Variants in DIPK2B observed in about 807,000 individuals in gnomAD.
DIPK2B encodes UPF0672 protein CXorf36.
DIPK2B carries 15 observed loss-of-function variants against 22.2 expected under a neutral mutation model. The ratio of observed to expected loss-of-function variants is 0.68; its 90% CI spans 0.45 to 1.04. The LOEUF is 1.04. Among genes scored for constraint, DIPK2B ranks in the 50% least tolerant of loss-of-function variants. DIPK2B has a pLI of 0.00. For missense variants in DIPK2B, 345 were observed against 348.3 expected (o/e 0.99, Z 0.08); for synonymous variants, 163 against 153.2 (o/e 1.06, Z -0.47).
At chrX:45,198,873 T>C (rs2047253577) in intron 1 of DIPK2B, among the ~76,000 whole-genome samples, 1 of 111,759 alleles carries the variant, frequency 8.9e-6, no homozygotes, top group Admixed American at 9.5e-5. Flanking sequence ...AGGATGACTC[T>C]ATAGCTGAAC....
intron 2 of DIPK2B, among the ~76,000 whole-genome samples, chrX:45,169,575 G>A (rs1239258079): frequency 9.0e-6 from 1 of 111,643 alleles, no homozygotes; most frequent in African/African-American, 3.3e-5. Context: ...CTCTCAGGTG[G>A]GGACGATGGT....
At chrX:45,163,626 A>T (rs906031148) in intron 2 of DIPK2B, 1 of 754,317 alleles carries the variant, frequency 1.3e-6, no homozygotes, top group Non-Finnish European at 1.6e-6. Context: ...AACATAAAAG[A>T]TAGATAGTCT....
intron 1 of DIPK2B, among the ~76,000 whole-genome samples, chrX:45,197,488 G>A (rs968833070): frequency 1.6e-4 from 18 of 111,383 alleles, no homozygotes; most frequent in African/African-American, 5.9e-4. Context: ...TGCCCGCCTC[G>A]GCCTCCCAAA....
rs753008172 is a variant in DIPK2B at position 45,148,601 on chromosome X, AACTC to A, written c.*3047_*3050del. The stretch of plus-strand genomic sequence containing the variant: ...CCACATCTTGAGTGAGCTCAGCGAG[AACTC>A]ACTCATCACTTCCAGGAGGGCACCA... On this transcript the variant is annotated 3_prime_UTR_variant, in exon 5 of 5. Transcript: ENST00000398000. 1.8e-5 allele frequency: 2 copies of A among 109,377 alleles called. No homozygotes were observed. Among genetic ancestry groups the A allele is most frequent in the Non-Finnish European group, 3.8e-5 (2 of 52,638 alleles). 9.0% of individuals were successfully genotyped at this position (109,377 alleles called of 1,213,427 possible).
At chrX:45,161,442 T>C (rs2047022561) in intron 2 of DIPK2B, among the ~76,000 whole-genome samples, 1 of 111,908 alleles carries the variant, frequency 8.9e-6, no homozygotes, top group South Asian at 3.8e-4. Context: ...CTTAGGAGGC[T>C]GAGGTAGGAG....
intron 2 of DIPK2B, among the ~76,000 whole-genome samples, chrX:45,179,482 TTAAAAG>T (rs1211098572): frequency 2.7e-5 from 3 of 110,694 alleles, no homozygotes; most frequent in Non-Finnish European, 5.7e-5. Flanking sequence ...AAACAAGGAA[TTAAAAG>T]TAAGTCTGGT....
At chrX:45,165,917 C>T (rs2047046572) in intron 2 of DIPK2B, among the ~76,000 whole-genome samples, 1 of 111,328 alleles carries the variant, frequency 9.0e-6, no homozygotes, top group African/African-American at 3.3e-5. Context: ...ATGTGCTAGA[C>T]GTGCCTTCCA....
intron 2 of DIPK2B, among the ~76,000 whole-genome samples, chrX:45,184,582 T>C (rs2047171419): frequency 8.9e-6 from 1 of 112,337 alleles, no homozygotes; most frequent in African/African-American, 3.2e-5. Flanking sequence ...AAAAGGTTTA[T>C]AAATTATGCC....
chrX:45,191,581 T>C, intron 2 of DIPK2B, 170 bp downstream of exon 2: 1 of 546,699 alleles, frequency 1.8e-6, no homozygotes, highest in East Asian at 3.4e-5. Flanking sequence ...GTAAACCTTG[T>C]TTAGTTCCTG....
chrX:45,169,487 T>C (rs932051297), intron 2 of DIPK2B, among the ~76,000 whole-genome samples: 1 of 111,425 alleles, frequency 9.0e-6, no homozygotes, highest in Non-Finnish European at 1.9e-5. Context: ...TTGTGTCATG[T>C]TCACTTGTGA....
chrX:45,151,471 C>T lies in DIPK2B; in HGVS notation c.*181G>A, dbSNP rs1046399095. The T allele has an allele frequency of 2.5e-5, 12 of 476,013 alleles. No homozygotes were observed. The highest frequency in any genetic ancestry group is 1.6e-4 in the Admixed American group (4 of 24,486). 39.2% of individuals were successfully genotyped at this position (476,013 alleles called of 1,213,427 possible). On this transcript the variant is annotated 3_prime_UTR_variant, in exon 5 of 5. Transcript: ENST00000398000. ...ATGCCCACCGCGGGCTTTGCCAGGA[C>T]GTCCCAGCCAGCAGAGACAGCCACG...
intron 1 of DIPK2B, among the ~76,000 whole-genome samples, chrX:45,197,191 C>CT (rs36016068): frequency 0.2 from 19,688 of 99,892 alleles, 1,777 homozygotes; most frequent in Non-Finnish European, 0.26. Flanking sequence ...TAGTAATCAC[C>CT]TTTTTTTTTT....
chrX:45,165,702 C>T (rs1269506042), intron 2 of DIPK2B, among the ~76,000 whole-genome samples: 1 of 111,478 alleles, frequency 9.0e-6, no homozygotes, highest in Non-Finnish European at 1.9e-5. Context: ...TAGCTATTTA[C>T]CATGCTAAAA....
intron 2 of DIPK2B, among the ~76,000 whole-genome samples, chrX:45,187,795 AT>A (rs1409855084): frequency 1.8e-5 from 2 of 110,023 alleles, no homozygotes; most frequent in African/African-American, 3.3e-5. Flanking sequence ...TATTTCTTTG[AT>A]TTTTTTTCTC....
intron 2 of DIPK2B, chrX:45,163,173 C>T (rs1471911061): frequency 5.1e-6 from 1 of 197,558 alleles, no homozygotes; most frequent in African/African-American, 3.1e-5. Flanking sequence ...CCCTTAAGAA[C>T]AAAAACAGAT....
At chrX:45,197,533 G>C (rs1386994190) in intron 1 of DIPK2B, among the ~76,000 whole-genome samples, 1 of 111,877 alleles carries the variant, frequency 8.9e-6, no homozygotes, top group Non-Finnish European at 1.9e-5. Context: ...ACCTCGCCTG[G>C]CTGGTAATCA....
intron 2 of DIPK2B, among the ~76,000 whole-genome samples, chrX:45,190,271 A>T (rs913515845): frequency 3.6e-5 from 4 of 112,166 alleles, no homozygotes; most frequent in Non-Finnish European, 7.5e-5. Context: ...TGCTAAATAA[A>T]TGAAGCAGAG....
At chrX:45,153,474 TTGTGTGTGTGTGTGTG>T (rs34281975) in intron 4 of DIPK2B, among the ~76,000 whole-genome samples, 38 of 73,852 alleles carry the variant, frequency 5.1e-4, no homozygotes, top group African/African-American at 1.8e-3. Flanking sequence ...CCCAAAAGTT[TTGTGTGTGTGTGTGTG>T]TGTGTGTGTG....
intron 2 of DIPK2B, among the ~76,000 whole-genome samples, chrX:45,188,070 A>G (rs2047193406): frequency 8.9e-6 from 1 of 111,813 alleles, no homozygotes; most frequent in African/African-American, 3.3e-5. Context: ...AATGAGGCAA[A>G]TCTCCCAACC....
Sources: gnomAD v4.1 joint callset for allele counts (sites outside exome capture counted in the v4.1 genomes callset) on GRCh38, gnomAD v4.1.1 for gene constraint, MANE v1.5 for transcripts, NCBI Gene and HGNC (gene_info 2026-07-23, HGNC 2026-07-21) for gene names.